The following PACS2 variants were observed in gnomAD, a reference collection of about 807,000 sequenced individuals.
PACS2 encodes PACS1-like protein.
PACS2 carries 36 observed loss-of-function variants against 113.0 expected under a neutral mutation model. The ratio of observed to expected loss-of-function variants is 0.32; its 90% CI spans 0.24 to 0.42. The LOEUF (loss-of-function observed/expected upper bound fraction) is 0.42, where lower values mean the gene tolerates loss of function less well. Ranked by LOEUF, PACS2 falls within the 10% of genes least tolerant of loss-of-function variation. PACS2 has a pLI of 1.00. For synonymous variants in PACS2, 589 were observed against 536.1 expected (o/e 1.10, Z -1.36); for missense variants, 1,015 against 1,239.5 (o/e 0.82, Z 2.72).
chr14:105,386,662 CA>C (rs1361172704), intron 19 of PACS2, among the ~76,000 whole-genome samples: 4 of 152,052 alleles, frequency 2.6e-5, no homozygotes, highest in African/African-American at 9.7e-5. Flanking sequence ...GAAACCCCCC[CA>C]ACCCCCTGAC....
intron 2 of PACS2, 134 bp from the exon 3 acceptor site, chr14:105,352,244 A>C: frequency 1.5e-6 from 1 of 677,536 alleles, no homozygotes; most frequent in Non-Finnish European, 2.7e-6. Context: ...GAATTACCCC[A>C]GCCTGTGCCT....
In PACS2 at chr14:105,394,871, G is replaced by A. The variant is rs1445872692; in HGVS notation, c.*199G>A. The A allele has an allele frequency of 1.8e-5, 10 of 565,810 alleles. No homozygotes were observed. Among genetic ancestry groups the A allele is most frequent in the South Asian group, 4.0e-5 (2 of 49,464 alleles). The allele number at this position is 565,810 out of a possible 1,614,324, so 35.0% of individuals were successfully genotyped here. On this transcript the variant is annotated 3_prime_UTR_variant, in exon 25 of 25. Transcript: ENST00000447393. ...GAATAACTGCTCTGCTTATTAACCC[G>A]AACGTTCGGCCCGGGGCTGGGAAGC...
intron 4 of PACS2, among the ~76,000 whole-genome samples, chr14:105,364,567 G>A (rs1211898201): frequency 6.0e-5 from 9 of 150,896 alleles, no homozygotes; most frequent in Non-Finnish European, 8.9e-5. Flanking sequence ...TTGGCAAGAG[G>A]ACGAGGTCTC....
chr14:105,362,898 C>G (rs1346441652), intron 4 of PACS2, among the ~76,000 whole-genome samples: 1 of 152,116 alleles, frequency 6.6e-6, no homozygotes, highest in African/African-American at 2.4e-5. Flanking sequence ...GATGCATGGG[C>G]TGCCTGATGG....
chr14:105,384,316 C>G (rs372618080), intron 16 of PACS2, 37 bp from the exon 17 acceptor site: 2 of 1,266,200 alleles, frequency 1.6e-6, no homozygotes, highest in Non-Finnish European at 1.1e-6. Context: ...AGCTCCGAGT[C>G]CCCCGTGGTG....
At chr14:105,387,236 C>T (rs2081207360) in intron 19 of PACS2, among the ~76,000 whole-genome samples, 1 of 152,242 alleles carries the variant, frequency 6.6e-6, no homozygotes, top group South Asian at 2.1e-4. Context: ...GACGGGGGAC[C>T]TGTGCAGAGC....
At chr14:105,390,464 TCTCC>T (rs2081318503) in intron 20 of PACS2, 1 of 185,536 alleles carries the variant, frequency 5.4e-6, no homozygotes. Flanking sequence ...AGCCAGGCCA[TCTCC>T]CTGCCAGCCC....
At chr14:105,326,690 T>C (rs1000721370) in intron 1 of PACS2, among the ~76,000 whole-genome samples, 3 of 152,112 alleles carry the variant, frequency 2.0e-5, no homozygotes, top group Non-Finnish European at 4.4e-5. Context: ...AAGCCTGGGG[T>C]GTGGCCTAGC....
At chr14:105,318,408 G>A (rs1386868802) in intron 1 of PACS2, among the ~76,000 whole-genome samples, 1 of 152,108 alleles carries the variant, frequency 6.6e-6, no homozygotes, top group Non-Finnish European at 1.5e-5. Context: ...AGCTTCCTGA[G>A]CAGCTGGGAC....
chr14:105,378,859 G>C (rs998179365), intron 9 of PACS2, among the ~76,000 whole-genome samples: 3 of 152,246 alleles, frequency 2.0e-5, no homozygotes, highest in Non-Finnish European at 2.9e-5. Flanking sequence ...CAAGGGTCTG[G>C]TTTGTCTGGA....
chr14:105,387,764 C>T (rs1489468302), intron 19 of PACS2, among the ~76,000 whole-genome samples: 8 of 152,244 alleles, frequency 5.3e-5, no homozygotes, highest in Non-Finnish European at 7.3e-5. Flanking sequence ...GATGGGAGGC[C>T]AGCCTGCCAT....
chr14:105,349,910 GA>G lies in PACS2; in HGVS notation c.207+1331del, dbSNP rs1555403545. On this transcript the variant is annotated intron_variant, in intron 2 of 24. Transcript: ENST00000447393. Reference sequence around the variant, plus strand: ...ATAGCAGGACCCCGAGAACTTCCAGGAGAGCGTGGCTAATGCAGGACCCCGA... The same window carrying G: ...ATAGCAGGACCCCGAGAACTTCCAGGGAGCGTGGCTAATGCAGGACCCCGA... Among the ~76,000 whole-genome samples the G allele has an allele frequency of 3.4e-4, 51 of 148,302 alleles. 2 individuals carry two copies. Among genetic ancestry groups the G allele is most frequent in the African/African-American group, 1.1e-3 (44 of 39,180 alleles).
chr14:105,385,082 G>A, intron 18 of PACS2, 95 bp downstream of exon 18: 3 of 814,100 alleles, frequency 3.7e-6, no homozygotes, highest in South Asian at 3.0e-5. Context: ...GGCCTGGTGG[G>A]CCGCAGAGCC....
chr14:105,384,076 C>T (rs1162307114), intron 16 of PACS2: 6 of 439,110 alleles, frequency 1.4e-5, no homozygotes, highest in South Asian at 7.9e-5. Flanking sequence ...CTGAGCCAGC[C>T]GAGGCCTCTG....
At chr14:105,302,295 C>T (rs2140620561) in intron 1 of PACS2, among the ~76,000 whole-genome samples, 1 of 151,476 alleles carries the variant, frequency 6.6e-6, no homozygotes, top group Admixed American at 6.6e-5. Context: ...CCTCTGCCTC[C>T]TGGGTTTAAG....
intron 7 of PACS2, 46 bp from the exon 8 acceptor site, chr14:105,369,795 C>T (rs781999079): frequency 6.7e-7 from 1 of 1,496,160 alleles, no homozygotes; most frequent in Non-Finnish European, 9.0e-7. Context: ...AGCGGCGGGT[C>T]TGCAGCTCTG....
chr14:105,376,176 G>T lies in PACS2; in HGVS notation c.802-592G>T, dbSNP rs113998713. On this transcript the variant is annotated intron_variant, in intron 8 of 24. Transcript: ENST00000447393. The surrounding 1 kb of genome is among the most constrained non-coding windows in gnomAD (Gnocchi z 4.7). ...CCTCCACTTGTCCTGCCCTTGGCAC[G>T]TGGGGCTTATGGGGATTACAATTCA... 0.015 allele frequency among the ~76,000 whole-genome samples: 2,297 copies of T among 152,206 alleles called. 65 individuals are homozygous for T. Among genetic ancestry groups the T allele is most frequent in the African/African-American group, 0.053 (2,186 of 41,498 alleles).
At chr14:105,368,234 G>A in intron 6 of PACS2, 87 bp downstream of exon 6, 1 of 1,015,544 alleles carries the variant, frequency 9.8e-7, no homozygotes, top group Non-Finnish European at 1.5e-6. Context: ...TGTCACCAGG[G>A]CCTCGTGAGG....
rs113443045 is a variant in PACS2 at position 105,382,524 on chromosome 14, C to T, written c.1461C>T (p.Ser487=). 7.2e-5 allele frequency: 116 copies of T among 1,613,188 alleles called. No individual in the cohort carries two copies. In the African/African-American group the frequency reaches 1.2e-3, roughly 16 times the overall value. The change falls in exon 14 of 25, where the codon TCC becomes TCT. Residue 487 remains serine (S), a synonymous_variant. Coordinates refer to ENST00000447393, the MANE Select transcript of PACS2 (RefSeq NM_001100913.3). ...VYDQLNHILI[S]DDQLPENIIL... is the part of the protein sequence containing the mutation. ...ACCAGCTCAACCACATCCTCATCTC[C>T]GATGACCAGCTTCCCGAAAACATCA...
Sources: allele counts gnomAD v4.1 joint callset (sites outside exome capture counted in the v4.1 genomes callset), GRCh38; gene constraint gnomAD v4.1.1; non-coding constraint Gnocchi (gnomAD v3.1); transcripts MANE v1.5; gene names NCBI Gene and HGNC (gene_info 2026-07-23, HGNC 2026-07-21).